Variants in HSD17B4 observed in about 807,000 individuals in gnomAD.
HSD17B4 encodes the protein peroxisomal multifunctional enzyme type 2.
A neutral mutation model predicts 101.0 loss-of-function variants in HSD17B4; 70 were observed. The ratio of observed to expected loss-of-function variants is 0.69; its 90% CI spans 0.57 to 0.85. The LOEUF (loss-of-function observed/expected upper bound fraction) is 0.85. Among genes scored for constraint, HSD17B4 ranks in the 40% least tolerant of loss-of-function variants. HSD17B4 has a pLI of 0.00. For missense variants in HSD17B4, 984 were observed against 892.4 expected (o/e 1.10, Z -1.31); for synonymous variants, 347 against 297.1 (o/e 1.17, Z -1.73).
chr5:119,532,652 C>T (rs1270593391), intron 22 of HSD17B4, among the ~76,000 whole-genome samples: 1 of 151,928 alleles, frequency 6.6e-6, no homozygotes, highest in Non-Finnish European at 1.5e-5. Context: ...TTTCTAAACC[C>T]AGCCAGAAGT....
chr5:119,452,644 G>C lies in HSD17B4; in HGVS notation c.58+11G>C, dbSNP rs1473936011. On this transcript the variant is annotated intron_variant, in intron 1 of 23. Coordinates refer to ENST00000510025, the MANE Select transcript of HSD17B4 (RefSeq NM_000414.4). ...CCGGCGCGGGGGCAGGTGAGCATGC[G>C]AAGGTTGGAGGCCGCGCCCCTTGCT... 1 of 1,613,602 alleles carries C rather than the reference G, an allele frequency of 6.2e-7. No homozygotes were observed. The highest frequency in any genetic ancestry group is 1.3e-5 in the African/African-American group (1 of 74,930).
Position 119,542,138 on chromosome 5 carries a change from T to G in HSD17B4, c.*144T>G. The G allele has an allele frequency of 3.0e-6, 2 of 657,510 alleles. No homozygotes were observed. The highest frequency in any genetic ancestry group is 5.5e-6 in the Non-Finnish European group (2 of 360,560). 40.7% of individuals were successfully genotyped at this position (657,510 alleles called of 1,614,324 possible). Reference sequence around the variant, plus strand: ...TCAGATATCAGATAACTGCAGATTTTCATTTTCTACTAATTTTTCATGTAT... The same window carrying G: ...TCAGATATCAGATAACTGCAGATTTGCATTTTCTACTAATTTTTCATGTAT... On this transcript the variant is annotated 3_prime_UTR_variant, in exon 24 of 24. Coordinates refer to ENST00000510025, the MANE Select transcript of HSD17B4 (RefSeq NM_000414.4).
intron 16 of HSD17B4, among the ~76,000 whole-genome samples, chr5:119,509,673 C>CA (rs1162121159): frequency 6.6e-6 from 1 of 152,128 alleles, no homozygotes; most frequent in Non-Finnish European, 1.5e-5. Flanking sequence ...ATTATGTCCC[C>CA]AGGCTTGGTC....
chr5:119,461,766 T>C (rs917077797), intron 2 of HSD17B4, among the ~76,000 whole-genome samples: 1 of 150,322 alleles, frequency 6.7e-6, no homozygotes, highest in Admixed American at 6.6e-5. Flanking sequence ...ATGCCTGTAG[T>C]CTTAGCTACT....
chr5:119,476,538 G>C (rs991394064), intron 6 of HSD17B4: 10 of 983,670 alleles, frequency 1.0e-5, no homozygotes, highest in Admixed American at 1.2e-4. Context: ...GTGTGTTTTG[G>C]GGGAATAGTG....
At chr5:119,509,608 C>T in intron 16 of HSD17B4, 1 of 367,970 alleles carries the variant, frequency 2.7e-6, no homozygotes, top group South Asian at 2.3e-5. Context: ...TGCCTTTCTT[C>T]CTATGTGTAT....
chr5:119,477,323 A>G lies in HSD17B4; in HGVS notation c.350-94A>G, dbSNP rs35150552. ...AATTTTATACATTAGGTATAAAATG[A>G]ACATCTTTGTATAAATACAACATTG... On this transcript the variant is annotated intron_variant, in intron 6 of 23. Transcript: ENST00000510025. The G allele has an allele frequency of 1.9e-3, 1,625 of 878,026 alleles. 13 individuals carry two copies. In the African/African-American group the frequency reaches 0.024, roughly 13 times the overall value. 54.4% of individuals were successfully genotyped at this position (878,026 alleles called of 1,614,324 possible). A position where few individuals can be genotyped will look rare whatever the true frequency, so the allele number is the denominator to read the frequency against.
At chr5:119,467,333 A>G (rs1755909154) in intron 2 of HSD17B4, among the ~76,000 whole-genome samples, 1 of 152,158 alleles carries the variant, frequency 6.6e-6, no homozygotes. Flanking sequence ...TTTAAGTCCA[A>G]AGTTTCTTTG....
intron 8 of HSD17B4, among the ~76,000 whole-genome samples, chr5:119,487,871 T>C (rs1451286462): frequency 2.0e-5 from 3 of 152,130 alleles, no homozygotes; most frequent in Non-Finnish European, 2.9e-5. Context: ...CAATTTGAGA[T>C]GGTTGGAGTC....
intron 23 of HSD17B4, among the ~76,000 whole-genome samples, chr5:119,538,858 A>G (rs528011741): frequency 1.3e-5 from 2 of 152,146 alleles, no homozygotes; most frequent in African/African-American, 4.8e-5. Context: ...CCTTCATTGT[A>G]TTTATAACAG....
chr5:119,459,563 T>TA (rs1561426865), intron 2 of HSD17B4, among the ~76,000 whole-genome samples: 3 of 152,146 alleles, frequency 2.0e-5, no homozygotes, highest in Non-Finnish European at 4.4e-5. Context: ...TAATGTATTT[T>TA]AAAAAAGGAA....
chr5:119,522,566 G>C (rs1241755489), intron 17 of HSD17B4, among the ~76,000 whole-genome samples: 1 of 151,960 alleles, frequency 6.6e-6, no homozygotes, highest in African/African-American at 2.4e-5. Context: ...TGCGTTTTGT[G>C]GTTTGGGGTG....
chr5:119,506,692 C>CT, intron 14 of HSD17B4, 126 bp from the exon 15 acceptor site: 1 of 586,804 alleles, frequency 1.7e-6, no homozygotes, highest in South Asian at 1.8e-5. Flanking sequence ...TTCAGGAACA[C>CT]TATTTCAAAC....
At chr5:119,456,446 A>G (rs1482900610) in intron 2 of HSD17B4, 78 bp downstream of exon 2, 3 of 970,552 alleles carry the variant, frequency 3.1e-6, no homozygotes, top group South Asian at 1.3e-5. Flanking sequence ...TTGTCTTTCT[A>G]TCAAATAATT....
intron 9 of HSD17B4, among the ~76,000 whole-genome samples, chr5:119,489,747 A>G (rs2126742113): frequency 6.6e-6 from 1 of 152,300 alleles, no homozygotes; most frequent in South Asian, 2.1e-4. Flanking sequence ...ACCAATTTTA[A>G]TTATCAGTAT....
At chr5:119,530,856 A>C (rs1000773896) in intron 21 of HSD17B4, among the ~76,000 whole-genome samples, 5 of 146,792 alleles carry the variant, frequency 3.4e-5, no homozygotes, top group Non-Finnish European at 7.5e-5. Flanking sequence ...AAAAAAAAAA[A>C]AAAAAAACAA....
rs769726519 is a variant in HSD17B4, at chr5:119,452,753, A to G, written c.58+120A>G. 5.7e-5 allele frequency: 90 copies of G among 1,586,934 alleles called. 1 individual carries two copies. Among genetic ancestry groups the G allele is most frequent in the African/African-American group, 9.4e-5 (7 of 74,538 alleles). The stretch of plus-strand genomic sequence containing the variant: ...ACCCCGCTGAGGTGGTGGGGAGGGG[A>G]ATGGTTATTCTTGAGGCACCGCATC... On this transcript the variant is annotated intron_variant, in intron 1 of 23. Transcript: ENST00000510025.
chr5:119,482,166 A>G (rs543113355), intron 8 of HSD17B4, among the ~76,000 whole-genome samples: 53 of 152,086 alleles, frequency 3.5e-4, no homozygotes, highest in African/African-American at 1.1e-3. Context: ...ATTGTCCCAC[A>G]GTTCTTAGAT....
At chr5:119,475,619 G>T in intron 4 of HSD17B4, 87 bp from the exon 5 acceptor site, 1 of 1,054,946 alleles carries the variant, frequency 9.5e-7, no homozygotes, top group Non-Finnish European at 1.5e-6. Flanking sequence ...GTTAAAAAAC[G>T]CCAGTTTTGA....
Sources: allele counts gnomAD v4.1 joint callset (sites outside exome capture counted in the v4.1 genomes callset), GRCh38; gene constraint gnomAD v4.1.1; transcripts MANE v1.5; gene names NCBI Gene and HGNC (gene_info 2026-07-23, HGNC 2026-07-21).